The following SPAG17 variants were observed in gnomAD, a reference collection of about 807,000 sequenced individuals.
SPAG17 encodes sperm associated antigen 17.
A neutral mutation model predicts 273.6 loss-of-function variants in SPAG17; 169 were observed. That is an observed-to-expected ratio of 0.62 (90% CI 0.55 to 0.70). SPAG17 has a LOEUF of 0.70. Ranked by LOEUF, SPAG17 falls within the 30% of genes least tolerant of loss-of-function variation. The pLI is 0.00. For missense variants in SPAG17, 2,557 were observed against 2,627.8 expected, an observed-to-expected ratio of 0.97 and a Z score of 0.59; for synonymous variants, 825 against 873.2, an observed-to-expected ratio of 0.94 and a Z score of 0.97.
At chr1:117,958,649 G>A (rs1007008103) in intron 48 of SPAG17, among the ~76,000 whole-genome samples, 3 of 152,176 alleles carry the variant, frequency 2.0e-5, no homozygotes, top group Admixed American at 1.3e-4. Context: ...CCACTGGCAG[G>A]TTGCTGGGCT....
At chr1:118,004,885 ATCT>A (rs540563376) in intron 32 of SPAG17, among the ~76,000 whole-genome samples, 88 of 152,292 alleles carry the variant, frequency 5.8e-4, no homozygotes, top group Middle Eastern at 3.4e-3. Flanking sequence ...GAAATCACCC[ATCT>A]TCTGTGTCGA....
chr1:118,031,988 T>TG lies in SPAG17; in HGVS notation c.3434-122dup, dbSNP rs1648529812. 4 of 748,392 alleles carry TG rather than the reference T, an allele frequency of 5.3e-6. No individual in the cohort carries two copies. The South Asian group carries it at 8.9e-5, about 17-fold the overall frequency. The allele number at this position is 748,392 out of a possible 1,614,324, so 46.4% of individuals were successfully genotyped here. A position where few individuals can be genotyped will look rare whatever the true frequency, so the allele number is the denominator to read the frequency against. On this transcript the variant is annotated intron_variant, in intron 24 of 48. Coordinates refer to ENST00000336338, the MANE Select transcript of SPAG17 (RefSeq NM_206996.4). ...ACAACAATTTTTACCTTGCTAAATA[T>TG]GATTTATCAGTTGGATAGATTTCAG...
At chr1:118,097,531 T>C in intron 7 of SPAG17, 139 bp downstream of exon 7, 5 of 517,860 alleles carry the variant, frequency 9.7e-6, no homozygotes, top group Non-Finnish European at 1.6e-5. Flanking sequence ...CATATTATCA[T>C]TATCCTGAAG....
rs148989873 is a variant in SPAG17, at chr1:118,081,244, C to A, written c.2066G>T (p.Arg689Leu). ...SMSVQDNESN[R>L]EPSDPSQCDA... ...ACACTGACTAGGATCTGAAGGTTCT[C>A]GGTTGCTTTCATTATCTTGCACAGA... The change falls in exon 15 of 49, where the codon CGA becomes CTA. Residue 689 changes from arginine (R) to leucine (L), a missense_variant. Transcript: ENST00000336338. The A allele has an allele frequency of 8.6e-5, 139 of 1,613,882 alleles. 1 individual carries two copies. The highest frequency in any genetic ancestry group is 1.1e-4 in the Non-Finnish European group (132 of 1,179,994).
At chr1:118,014,701 G>A (rs1407302062) in intron 29 of SPAG17, among the ~76,000 whole-genome samples, 1 of 152,190 alleles carries the variant, frequency 6.6e-6, no homozygotes, top group Non-Finnish European at 1.5e-5. Flanking sequence ...TTAAACAAGG[G>A]TAGGAAGTTC....
In SPAG17 at chr1:118,033,133, A is replaced by C. The variant is rs559090309; in HGVS notation, c.3434-1266T>G. Among the ~76,000 whole-genome samples, 96 of 152,218 alleles carry C rather than the reference A, an allele frequency of 6.3e-4. 1 individual carries two copies. Among genetic ancestry groups the C allele is most frequent in the African/African-American group, 2.2e-3 (92 of 41,542 alleles). The stretch of plus-strand genomic sequence containing the variant: ...TTAGATCTGGATGATCTCATTCACC[A>C]TTGGGGCTCCAATTGTCATCTACAT... On this transcript the variant is annotated intron_variant, in intron 24 of 48. Transcript: ENST00000336338.
intron 1 of SPAG17, 122 bp from the exon 2 acceptor site, chr1:118,151,491 C>G: frequency 1.0e-6 from 1 of 969,582 alleles, no homozygotes; most frequent in Non-Finnish European, 1.4e-6. Context: ...CAGAGGTGAC[C>G]TTGTAATGTA....
intron 31 of SPAG17, among the ~76,000 whole-genome samples, 200 bp downstream of exon 31, chr1:118,007,844 A>C (rs555565836): frequency 6.6e-6 from 1 of 152,322 alleles, no homozygotes; most frequent in South Asian, 2.1e-4. Context: ...AACAAGCAGG[A>C]CAATGTTTTT....
At chr1:118,145,744 T>G (rs1472400563) in intron 3 of SPAG17, among the ~76,000 whole-genome samples, 5 of 152,104 alleles carry the variant, frequency 3.3e-5, no homozygotes, top group Non-Finnish European at 7.4e-5. Context: ...TTATTTGCAT[T>G]TACAAAATTG....
intron 4 of SPAG17, among the ~76,000 whole-genome samples, chr1:118,111,499 A>G (rs563045231): frequency 5.3e-5 from 8 of 151,718 alleles, no homozygotes; most frequent in African/African-American, 1.9e-4. Context: ...AACTGAATCA[A>G]AACTAACCAG....
intron 46 of SPAG17, among the ~76,000 whole-genome samples, chr1:117,967,865 TA>T (rs1364029727): frequency 6.6e-6 from 1 of 152,142 alleles, no homozygotes. Flanking sequence ...TAGAAAAAAA[TA>T]AATCTGAAAC....
At chr1:118,098,840 T>A (rs1004817803) in intron 6 of SPAG17, among the ~76,000 whole-genome samples, 1 of 152,186 alleles carries the variant, frequency 6.6e-6, no homozygotes, top group Non-Finnish European at 1.5e-5. Context: ...TCTAACTTTA[T>A]AGAGCAGCAA....
intron 27 of SPAG17, among the ~76,000 whole-genome samples, chr1:118,023,732 C>A (rs1210861824): frequency 6.6e-6 from 1 of 151,940 alleles, no homozygotes; most frequent in African/African-American, 2.4e-5. Flanking sequence ...TCCATCTTTT[C>A]TTGGATTGAT....
chr1:118,099,535 A>G, intron 6 of SPAG17, 71 bp downstream of exon 6: 1 of 1,366,762 alleles, frequency 7.3e-7, no homozygotes, highest in Non-Finnish European at 1.0e-6. Context: ...TTGGACAGAA[A>G]ATTATATTTG....
chr1:118,079,250 T>C (rs937847897), intron 15 of SPAG17, among the ~76,000 whole-genome samples: 9 of 152,074 alleles, frequency 5.9e-5, no homozygotes, highest in African/African-American at 2.2e-4. Flanking sequence ...ATTAATTGGA[T>C]ATAAGACTAC....
rs754040981 is a variant in SPAG17, at chr1:118,081,084, C to CA, written c.2209+16dup. On this transcript the variant is annotated intron_variant, in intron 15 of 48. Transcript: ENST00000336338. ...ACACACACACACACACACACACACA[C>CA]ACACACTTTAACTTACCCAGAGACT... is the stretch of plus-strand genomic sequence containing the variant. 12 of 1,559,154 alleles carry CA rather than the reference C, an allele frequency of 7.7e-6. No homozygotes were observed. The highest frequency in any genetic ancestry group is 1.1e-5 in the Non-Finnish European group (12 of 1,130,562).
intron 15 of SPAG17, among the ~76,000 whole-genome samples, chr1:118,075,700 A>G (rs1654021734): frequency 6.6e-6 from 1 of 152,134 alleles, no homozygotes; most frequent in Admixed American, 6.5e-5. Context: ...TTGTACAGGA[A>G]ATGGCTCTGG....
intron 28 of SPAG17, among the ~76,000 whole-genome samples, chr1:118,020,342 G>A (rs189673330): frequency 2.1e-3 from 317 of 152,106 alleles, no homozygotes; most frequent in African/African-American, 7.4e-3. Context: ...GCTGAGGCAC[G>A]AGAATTGCTT....
chr1:117,990,874 A>G lies in SPAG17; in HGVS notation c.5508T>C (p.Ser1836=), dbSNP rs747316816. 6.4e-7 allele frequency: 1 copy of G among 1,573,398 alleles called. No individual in the cohort carries two copies. The highest frequency in any genetic ancestry group is 8.7e-7 in the Non-Finnish European group (1 of 1,154,034). Residue 1836 remains serine, a synonymous_variant, in exon 38 of 49, where the codon AGT becomes AGC. Transcript: ENST00000336338. ...SFPKMEETTK[S]HVTEVAAHLT... ...AATGCAACTTACCTTCAGTAACATG[A>G]CTTTTTGTAGTTTCCTCCATTTTAG...
Sources: allele counts gnomAD v4.1 joint callset (sites outside exome capture counted in the v4.1 genomes callset), GRCh38; gene constraint gnomAD v4.1.1; transcripts MANE v1.5; gene names NCBI Gene and HGNC (gene_info 2026-07-23, HGNC 2026-07-21).